The following FRMD3 variants were observed in gnomAD, a reference collection of about 807,000 sequenced individuals.
FRMD3 encodes the protein FERM domain containing 3.
Under a neutral mutation model 70.2 loss-of-function variants are expected in FRMD3, and 33 were observed. That is an observed-to-expected ratio of 0.47 (90% CI 0.36 to 0.63). The LOEUF (loss-of-function observed/expected upper bound fraction) is 0.63. Among genes scored for constraint, FRMD3 ranks in the 20% least tolerant of loss-of-function variants. The probability of loss-of-function intolerance (pLI) is 0.00; values close to 1 mark genes in which losing one functional copy is unlikely to be tolerated. For missense variants in FRMD3, 632 were observed against 711.4 expected (o/e 0.89, Z 1.27); for synonymous variants, 279 against 255.9 (o/e 1.09, Z -0.86).
At chr9:83,523,624 T>C (rs1198973252) in intron 1 of FRMD3, among the ~76,000 whole-genome samples, 5 of 152,202 alleles carry the variant, frequency 3.3e-5, no homozygotes, top group Non-Finnish European at 5.9e-5. Flanking sequence ...AATTTGGAGA[T>C]AAACCTAAAC....
At chr9:83,387,417 G>A (rs1466637019) in intron 2 of FRMD3, among the ~76,000 whole-genome samples, 1 of 151,944 alleles carries the variant, frequency 6.6e-6, no homozygotes, top group African/African-American at 2.4e-5. Context: ...ACCCTCTCTG[G>A]GCCTTAGTTT....
intron 13 of FRMD3, among the ~76,000 whole-genome samples, chr9:83,266,288 C>T (rs1029450508): frequency 6.6e-6 from 1 of 152,136 alleles, no homozygotes. Flanking sequence ...TAATCAATTT[C>T]GTCTCAATTC....
chr9:83,584,767 A>G, the FRMD3 span, among the ~76,000 whole-genome samples: 1 of 152,232 alleles, frequency 6.6e-6, no homozygotes, highest in Admixed American at 6.5e-5. Context: ...CCTGGGTTCT[A>G]GTCCAGATTC....
At chr9:83,452,802 C>T (rs10868013) in intron 1 of FRMD3, among the ~76,000 whole-genome samples, 17,240 of 150,238 alleles carry the variant, frequency 0.11, 1,092 homozygotes, top group South Asian at 0.16. Context: ...ATCTTTTAAC[C>T]AGAGCTTAAG....
chr9:83,252,130 G>C (rs1290374208), intron 13 of FRMD3, among the ~76,000 whole-genome samples: 1 of 152,118 alleles, frequency 6.6e-6, no homozygotes, highest in Non-Finnish European at 1.5e-5. Context: ...AGAGAGAAAG[G>C]CCAGGTCATC....
At chr9:83,553,344 GT>G in the FRMD3 span, among the ~76,000 whole-genome samples, 2 of 152,318 alleles carry the variant, frequency 1.3e-5, no homozygotes, top group African/African-American at 4.8e-5. Context: ...AAGATCAGCT[GT>G]TAACCTCATG....
intron 2 of FRMD3, among the ~76,000 whole-genome samples, chr9:83,377,511 G>A (rs1460324640): frequency 6.6e-6 from 1 of 152,138 alleles, no homozygotes; most frequent in Non-Finnish European, 1.5e-5. Flanking sequence ...GGAGTGATTG[G>A]ATCACAGGAG....
chr9:83,458,807 A>G (rs895232075), intron 1 of FRMD3, among the ~76,000 whole-genome samples: 34 of 152,342 alleles, frequency 2.2e-4, no homozygotes, highest in African/African-American at 8.2e-4. Flanking sequence ...TCCATCAGCC[A>G]AAAAACAGAC....
At chr9:83,380,928 T>C (rs549691121) in intron 2 of FRMD3, among the ~76,000 whole-genome samples, 10 of 152,266 alleles carry the variant, frequency 6.6e-5, no homozygotes, top group African/African-American at 2.2e-4. Context: ...ATTTGAGCAA[T>C]TCCCATGACG....
rs141744952 is a variant in FRMD3, at chr9:83,514,386, G to C, written c.147+23699C>G. On this transcript the variant is annotated intron_variant, in intron 1 of 13. Coordinates refer to ENST00000304195, the MANE Select transcript of FRMD3 (RefSeq NM_174938.6). ...ACAGAGCCCACCGAAGCTCAGCAAA[G>C]CTGCTGTAGCCAGACTGACTCTCTA... is the stretch of plus-strand genomic sequence containing the variant. Among the ~76,000 whole-genome samples the C allele has an allele frequency of 6.2e-3, 950 of 152,342 alleles. 6 individuals are homozygous for C. The highest frequency in any genetic ancestry group is 0.017 in the Middle Eastern group (5 of 294).
At chr9:83,536,930 TAAA>T (rs142272516) in intron 1 of FRMD3, among the ~76,000 whole-genome samples, 803 of 60,854 alleles carry the variant, frequency 0.013, 21 homozygotes, top group African/African-American at 0.046. Context: ...TGTATTACAC[TAAA>T]AAAAAAAAAA....
In FRMD3 at chr9:83,245,562, A is replaced by G. The variant is rs1010723069; in HGVS notation, c.*2356T>C. The G allele has an allele frequency of 2.2e-6, 2 of 899,574 alleles. No homozygotes were observed. The highest frequency in any genetic ancestry group is 3.6e-5 in the African/African-American group (2 of 55,576). The allele number at this position is 899,574 out of a possible 1,614,324, so 55.7% of individuals were successfully genotyped here. A position where few individuals can be genotyped will look rare whatever the true frequency, so the allele number is the denominator to read the frequency against. On this transcript the variant is annotated 3_prime_UTR_variant, in exon 14 of 14. Transcript: ENST00000304195. ...TAAAATAATATATTTATTACTCCTT[A>G]AGATAAATCTGCATCGTTGGATTAC...
chr9:83,540,893 G>A (rs1301337744), upstream of FRMD3, among the ~76,000 whole-genome samples: 2 of 152,192 alleles, frequency 1.3e-5, no homozygotes, highest in Admixed American at 6.5e-5. Context: ...AAATTACAAA[G>A]TCAATTGAAT....
At chr9:83,352,105 T>C (rs1824181566) in intron 3 of FRMD3, among the ~76,000 whole-genome samples, 1 of 152,224 alleles carries the variant, frequency 6.6e-6, no homozygotes. Context: ...TATTCCCTTT[T>C]AATTGTCATT....
chr9:83,530,108 A>G (rs77070597), intron 1 of FRMD3, among the ~76,000 whole-genome samples: 2 of 152,244 alleles, frequency 1.3e-5, no homozygotes, highest in African/African-American at 2.4e-5. Context: ...ACACAGAGTT[A>G]CCATATGACT....
chr9:83,471,647 T>C (rs1344989563), intron 1 of FRMD3, among the ~76,000 whole-genome samples: 1 of 152,178 alleles, frequency 6.6e-6, no homozygotes, highest in African/African-American at 2.4e-5. Flanking sequence ...TAAAAACCAA[T>C]CATTGCAAAT....
chr9:83,352,705 G>A (rs1372303968), intron 3 of FRMD3, among the ~76,000 whole-genome samples: 4 of 152,102 alleles, frequency 2.6e-5, no homozygotes, highest in African/African-American at 2.4e-5. Flanking sequence ...TTCACCAGCC[G>A]GCCCCTCCAC....
chr9:83,447,498 C>T (rs559389528), intron 1 of FRMD3, among the ~76,000 whole-genome samples: 1 of 152,334 alleles, frequency 6.6e-6, no homozygotes, highest in African/African-American at 2.4e-5. Context: ...AGGAGCCAGG[C>T]TGGATGCGGG....
At chr9:83,349,638 G>A (rs780747049) in intron 4 of FRMD3, 41 bp downstream of exon 4, 1 of 1,423,626 alleles carries the variant, frequency 7.0e-7, no homozygotes. Flanking sequence ...ATTCTGGCTG[G>A]TTAAAGGTGC....
Sources: gnomAD v4.1 joint callset for allele counts (sites outside exome capture counted in the v4.1 genomes callset) on GRCh38, gnomAD v4.1.1 for gene constraint, MANE v1.5 for transcripts, NCBI Gene and HGNC (gene_info 2026-07-23, HGNC 2026-07-21) for gene names.